SLC24A2: variants seen among roughly 807,000 people sequenced by gnomAD.
SLC24A2 encodes the protein sodium/potassium/calcium exchanger 2.
SLC24A2 carries 36 observed loss-of-function variants against 62.0 expected under a neutral mutation model. The ratio of observed to expected loss-of-function variants is 0.58; its 90% CI spans 0.44 to 0.77. The LOEUF (loss-of-function observed/expected upper bound fraction) is 0.77. SLC24A2 is among the 30% of genes least tolerant of loss of function. SLC24A2 has a pLI of 0.00. For missense variants in SLC24A2, 846 were observed against 817.9 expected (o/e 1.03, Z -0.42); for synonymous variants, 358 against 294.0 (o/e 1.22, Z -2.23).
chr9:20,191,462 G>A, the SLC24A2 span, among the ~76,000 whole-genome samples: 2 of 151,996 alleles, frequency 1.3e-5, no homozygotes, highest in Admixed American at 6.6e-5. Context: ...TATAGGAGGT[G>A]AGTGCCTAAG....
the SLC24A2 span, among the ~76,000 whole-genome samples, chr9:20,195,873 T>C: frequency 6.6e-6 from 1 of 151,980 alleles, no homozygotes; most frequent in African/African-American, 2.4e-5. Flanking sequence ...ATTCATATGA[T>C]AGCTACTGTC....
the SLC24A2 span, among the ~76,000 whole-genome samples, chr9:19,905,653 C>T: frequency 6.6e-6 from 1 of 151,924 alleles, no homozygotes; most frequent in East Asian, 1.9e-4. Flanking sequence ...CCTCAGCCTC[C>T]CAAAGTGCTG....
intron 2 of SLC24A2, among the ~76,000 whole-genome samples, chr9:19,625,302 A>G (rs904451428): frequency 1.3e-5 from 2 of 152,140 alleles, no homozygotes; most frequent in African/African-American, 4.8e-5. Flanking sequence ...CCTATAAATA[A>G]ATAAATAAAT....
chr9:20,184,732 T>C, the SLC24A2 span, among the ~76,000 whole-genome samples: 1 of 152,124 alleles, frequency 6.6e-6, no homozygotes, highest in Non-Finnish European at 1.5e-5. Context: ...CCATATGTGA[T>C]CCAGCAATCT....
At chr9:20,007,333 G>T in the SLC24A2 span, among the ~76,000 whole-genome samples, 2 of 152,090 alleles carry the variant, frequency 1.3e-5, no homozygotes, top group African/African-American at 2.4e-5. Context: ...AAAGGATTCT[G>T]CACCTGAGTC....
chr9:19,982,945 T>G, the SLC24A2 span, among the ~76,000 whole-genome samples: 3 of 152,164 alleles, frequency 2.0e-5, no homozygotes, highest in Non-Finnish European at 4.4e-5. Flanking sequence ...GAAAAAAGAT[T>G]TGACAAAATC....
chr9:19,530,812 TTCA>T (rs1478026571), intron 8 of SLC24A2, among the ~76,000 whole-genome samples: 1 of 152,170 alleles, frequency 6.6e-6, no homozygotes, highest in Non-Finnish European at 1.5e-5. Context: ...ATTTTCAGTC[TTCA>T]TCATAAGCTA....
the SLC24A2 span, among the ~76,000 whole-genome samples, chr9:20,016,734 C>T: frequency 3.3e-5 from 5 of 152,144 alleles, no homozygotes; most frequent in Non-Finnish European, 4.4e-5. Context: ...ACTACACACA[C>T]ACACAAACAC....
At chr9:20,105,121 A>T in the SLC24A2 span, among the ~76,000 whole-genome samples, 1 of 152,234 alleles carries the variant, frequency 6.6e-6, no homozygotes, top group Non-Finnish European at 1.5e-5. Context: ...ATAATGGTAA[A>T]GGGATCAATT....
chr9:19,530,261 C>T (rs1833639703), intron 8 of SLC24A2, among the ~76,000 whole-genome samples: 1 of 152,042 alleles, frequency 6.6e-6, no homozygotes, highest in South Asian at 2.1e-4. Flanking sequence ...TCTTCCATGG[C>T]TGTGCTCTGT....
chr9:20,087,041 T>C, the SLC24A2 span, among the ~76,000 whole-genome samples: 1 of 152,326 alleles, frequency 6.6e-6, no homozygotes, highest in Admixed American at 6.5e-5. Flanking sequence ...GATTATATTT[T>C]CCATGTGGAA....
the SLC24A2 span, among the ~76,000 whole-genome samples, chr9:20,256,233 A>G: frequency 6.6e-6 from 1 of 152,188 alleles, no homozygotes; most frequent in Non-Finnish European, 1.5e-5. Flanking sequence ...TTTAAACCAT[A>G]GTATTTGCTA....
chr9:19,883,983 C>A, the SLC24A2 span, among the ~76,000 whole-genome samples: 1 of 152,086 alleles, frequency 6.6e-6, no homozygotes, highest in African/African-American at 2.4e-5. Context: ...AGTCTTTGAC[C>A]CTTATCTCCT....
At chr9:19,976,232 T>C in the SLC24A2 span, among the ~76,000 whole-genome samples, 1 of 152,190 alleles carries the variant, frequency 6.6e-6, no homozygotes, top group African/African-American at 2.4e-5. Context: ...AGCTTTCATA[T>C]TGTATTAGGT....
chr9:19,981,765 G>C, the SLC24A2 span, among the ~76,000 whole-genome samples: 1 of 152,142 alleles, frequency 6.6e-6, no homozygotes, highest in Non-Finnish European at 1.5e-5. Flanking sequence ...TTACCCATGG[G>C]AAGTTCTTTA....
intron 2 of SLC24A2, among the ~76,000 whole-genome samples, chr9:19,710,622 T>C (rs1245802931): frequency 6.6e-6 from 1 of 151,916 alleles, no homozygotes; most frequent in Non-Finnish European, 1.5e-5. Flanking sequence ...GTGGGGGCAG[T>C]AGAAAGAAGG....
At chr9:20,163,222 C>G in the SLC24A2 span, among the ~76,000 whole-genome samples, 1 of 152,060 alleles carries the variant, frequency 6.6e-6, no homozygotes. Flanking sequence ...GATTTTATAT[C>G]TAGAAAACCC....
the SLC24A2 span, among the ~76,000 whole-genome samples, chr9:20,032,505 T>C: frequency 6.6e-6 from 1 of 152,238 alleles, no homozygotes; most frequent in Non-Finnish European, 1.5e-5. Context: ...AAATCAATTA[T>C]GTAGCCATTA....
At chr9:19,980,624 T>C in the SLC24A2 span, among the ~76,000 whole-genome samples, 2 of 152,106 alleles carry the variant, frequency 1.3e-5, no homozygotes, top group Non-Finnish European at 2.9e-5. Flanking sequence ...AGATATTTGA[T>C]TTCTCACTTC....
Sources: gnomAD v4.1 joint callset for allele counts (sites outside exome capture counted in the v4.1 genomes callset) on GRCh38, gnomAD v4.1.1 for gene constraint, MANE v1.5 for transcripts, NCBI Gene and HGNC (gene_info 2026-07-23, HGNC 2026-07-21) for gene names.